The following G3BP2 variants were observed in gnomAD, a reference collection of about 807,000 sequenced individuals.
G3BP2 encodes the protein G3BP stress granule assembly factor 2, also known as ras GTPase-activating protein-binding protein 2.
In G3BP2, 11 loss-of-function variants were observed where a neutral mutation model predicts 56.7. That is an observed-to-expected ratio of 0.19 (90% CI 0.12 to 0.32). The LOEUF is 0.32. G3BP2 is among the 10% of genes least tolerant of loss of function. The pLI is 1.00. For synonymous variants in G3BP2, 165 were observed against 191.6 expected, an observed-to-expected ratio of 0.86 and a Z score of 1.15; for missense variants, 340 against 610.9, an observed-to-expected ratio of 0.56 and a Z score of 4.67.
At chr4:75,676,654 CT>C (rs1733888814), upstream of G3BP2, among the ~76,000 whole-genome samples, 1 of 152,180 alleles carries the variant, frequency 6.6e-6, no homozygotes, top group Non-Finnish European at 1.5e-5. Context: ...GGATTAAATA[CT>C]TTGCATCACT....
At chr4:75,676,562 C>A (rs564494067), upstream of G3BP2, among the ~76,000 whole-genome samples, 15 of 152,184 alleles carry the variant, frequency 9.9e-5, no homozygotes, top group East Asian at 1.9e-4. Context: ...AGGTTGATCT[C>A]GAACTCCTGA....
At chr4:75,718,468 A>G (rs1487481522) in intron 3 of G3BP2, among the ~76,000 whole-genome samples, 1 of 152,182 alleles carries the variant, frequency 6.6e-6, no homozygotes, top group Admixed American at 6.5e-5. Flanking sequence ...TGGAAAAATA[A>G]TTTCAAAAAA....
At chr4:75,706,959 G>A (rs1719568663) in intron 3 of G3BP2, among the ~76,000 whole-genome samples, 1 of 152,004 alleles carries the variant, frequency 6.6e-6, no homozygotes, top group Non-Finnish European at 1.5e-5. Context: ...TTGAGAGGCT[G>A]AGGCGGGCGG....
intron 1 of G3BP2, among the ~76,000 whole-genome samples, chr4:75,668,954 T>C (rs1733271629): frequency 2.0e-5 from 3 of 152,192 alleles, no homozygotes. Flanking sequence ...CTCTCAAATA[T>C]TATAACTCAG....
Position 75,681,255 on chromosome 4 carries a change from C to T in G3BP2, c.-24-19206G>A, listed in dbSNP as rs530890638. Among the ~76,000 whole-genome samples, 28 of 151,848 alleles carry T rather than the reference C, an allele frequency of 1.8e-4. No individual in the cohort carries two copies. The East Asian group carries it at 5.5e-3, about 30-fold the overall frequency. On this transcript the variant is annotated intron_variant, in intron 3 of 3. Coordinates refer to the G3BP2 transcript ENST00000499709. Reference sequence around the variant, plus strand: ...AGGAGAATCGCTTGAACCCGGGAGGCAGAGGTTGCAGTGAGCCGAGATCGT... The same window carrying T: ...AGGAGAATCGCTTGAACCCGGGAGGTAGAGGTTGCAGTGAGCCGAGATCGT...
chr4:75,664,678 T>C (rs534859213), intron 1 of G3BP2, among the ~76,000 whole-genome samples: 1 of 152,224 alleles, frequency 6.6e-6, no homozygotes, highest in Admixed American at 6.5e-5. Flanking sequence ...TGAAACCCCA[T>C]CTCTACTAAA....
chr4:75,690,815 C>T (rs942314257), intron 3 of G3BP2, among the ~76,000 whole-genome samples: 10 of 152,030 alleles, frequency 6.6e-5, no homozygotes, highest in Admixed American at 1.3e-4. Flanking sequence ...CCACCTGCCT[C>T]GGCCTTCTGG....
chr4:75,652,368 A>G (rs542698802), intron 8 of G3BP2, among the ~76,000 whole-genome samples: 1 of 152,288 alleles, frequency 6.6e-6, no homozygotes, highest in South Asian at 2.1e-4. Context: ...CATGCCTGTA[A>G]TCCCCACCGT....
At chr4:75,674,718 A>ATATATATATTTTTTTT (rs1241041465), upstream of G3BP2, among the ~76,000 whole-genome samples, 1 of 71,432 alleles carries the variant, frequency 1.4e-5, no homozygotes, top group African/African-American at 5.9e-5. Context: ...ATATATATAT[A>ATATATATATTTTTTTT]TTTTTTTTTT....
chr4:75,710,895 T>C (rs1719729501), intron 3 of G3BP2, among the ~76,000 whole-genome samples: 1 of 151,926 alleles, frequency 6.6e-6, no homozygotes, highest in Non-Finnish European at 1.5e-5. Flanking sequence ...AAATCCTAGC[T>C]TCAGGCAATC....
chr4:75,702,784 A>G (rs1326636933), intron 3 of G3BP2, among the ~76,000 whole-genome samples: 3 of 152,226 alleles, frequency 2.0e-5, no homozygotes, highest in Non-Finnish European at 4.4e-5. Flanking sequence ...AAGGGACATG[A>G]AAGAGACTTC....
chr4:75,658,189 T>C (rs1732256234), intron 3 of G3BP2, among the ~76,000 whole-genome samples: 1 of 152,146 alleles, frequency 6.6e-6, no homozygotes, highest in East Asian at 1.9e-4. Context: ...AGGGTTTAGC[T>C]CAGATTTGTA....
intron 6 of G3BP2, among the ~76,000 whole-genome samples, chr4:75,655,541 C>T (rs2148976163): frequency 6.6e-6 from 1 of 152,320 alleles, no homozygotes; most frequent in East Asian, 1.9e-4. Context: ...GTCTTCAACA[C>T]TCTACATTAT....
At chr4:75,673,041 C>T in intron 1 of G3BP2, 167 bp downstream of exon 1, 4 of 994,394 alleles carry the variant, frequency 4.0e-6, no homozygotes, top group Non-Finnish European at 4.8e-6. Context: ...CTGGTCTTCT[C>T]TCACGCACAC....
chr4:75,676,697 T>C (rs1317672286), upstream of G3BP2, among the ~76,000 whole-genome samples: 1 of 152,232 alleles, frequency 6.6e-6, no homozygotes, highest in Admixed American at 6.5e-5. Context: ...CAGGCCACCA[T>C]TGCCTATTGC....
chr4:75,653,336 T>C (rs1731846307), intron 8 of G3BP2, among the ~76,000 whole-genome samples: 1 of 152,140 alleles, frequency 6.6e-6, no homozygotes, highest in African/African-American at 2.4e-5. Context: ...TAAACTTAAT[T>C]AGAATTTAGT....
chr4:75,713,449 G>A (rs191122187), intron 3 of G3BP2, among the ~76,000 whole-genome samples: 88 of 152,254 alleles, frequency 5.8e-4, no homozygotes, highest in African/African-American at 2.0e-3. Flanking sequence ...ACTGTACAAT[G>A]GAGAAGACCG....
At chr4:75,672,071 A>C (rs1411273397) in intron 1 of G3BP2, among the ~76,000 whole-genome samples, 1 of 152,214 alleles carries the variant, frequency 6.6e-6, no homozygotes, top group Non-Finnish European at 1.5e-5. Flanking sequence ...CTTGAACCTA[A>C]AACCACAGTA....
chr4:75,721,235 C>A (rs1445307784), intron 2 of G3BP2, among the ~76,000 whole-genome samples: 1 of 149,928 alleles, frequency 6.7e-6, no homozygotes, highest in East Asian at 2.0e-4. Flanking sequence ...GCCACCTCGC[C>A]CAGCCTCAAC....
Sources: gnomAD v4.1 joint callset for allele counts (sites outside exome capture counted in the v4.1 genomes callset) on GRCh38, gnomAD v4.1.1 for gene constraint, MANE v1.5 for transcripts, NCBI Gene and HGNC (gene_info 2026-07-23, HGNC 2026-07-21) for gene names.